ITGAL: variants seen among roughly 807,000 people sequenced by gnomAD.
The protein encoded by ITGAL is integrin alpha-L.
A neutral mutation model predicts 138.4 loss-of-function variants in ITGAL; 68 were observed. That is an observed-to-expected ratio of 0.49 (90% confidence interval 0.40 to 0.60). The LOEUF (loss-of-function observed/expected upper bound fraction) is 0.60, where lower values mean the gene tolerates loss of function less well. ITGAL is among the 20% of genes least tolerant of loss of function. ITGAL has a pLI of 0.00. For synonymous variants in ITGAL, 561 were observed against 584.3 expected, an observed-to-expected ratio of 0.96 and a Z score of 0.57; for missense variants, 1,256 against 1,478.6, an observed-to-expected ratio of 0.85 and a Z score of 2.47.
At position 30,519,917 on chromosome 16, in the gene ITGAL, G is replaced by A. The variant is rs151035888; in HGVS notation, c.3289G>A (p.Gly1097Ser). 1.3e-4 allele frequency: 202 copies of A among 1,613,904 alleles called. No homozygotes were observed. In the African/African-American group the frequency reaches 2.0e-3, roughly 16 times the overall value. Residue 1097 changes from glycine (G) to serine (S), a missense_variant, in exon 30 of 31, where the codon GGC (glycine) becomes AGC (serine). Gly to Ser is a moderately conservative substitution (Grantham distance 56, BLOSUM62 0). Around this residue, in one of 3 missense-constraint regions of ITGAL, gnomAD observed 867 missense variants for 972.5 expected, o/e 0.89. Transcript: ENST00000356798. ...KQMLYLYVLS[G>S]IGGLLLLLLI... The stretch of plus-strand genomic sequence containing the variant: ...GATGCTCTACCTCTACGTGCTGAGC[G>A]GCATCGGGGGGCTGCTGCTGCTGCT...
intron 11 of ITGAL, among the ~76,000 whole-genome samples, chr16:30,492,246 CTTTT>C (rs1178527208): frequency 4.2e-4 from 45 of 107,794 alleles, no homozygotes; most frequent in African/African-American, 1.5e-3. Context: ...GACATGATAT[CTTTT>C]TTTTCTTTTT....
chr16:30,484,100 C>T lies in ITGAL; in HGVS notation c.856-13C>T, dbSNP rs758351883. ...TGGGGGATTTCAGCTCTTCACTCTC[C>T]ACTCCCTCACAGATTGGAAAGCATT... On this transcript the variant is annotated splice_polypyrimidine_tract_variant and intron_variant, in intron 8 of 30. Transcript: ENST00000356798. The T allele has an allele frequency of 6.2e-7, 1 of 1,611,364 alleles. No homozygotes were observed. The highest frequency in any genetic ancestry group is 2.2e-5 in the East Asian group (1 of 44,804).
At chr16:30,488,598 G>A (rs1044248993) in intron 9 of ITGAL, among the ~76,000 whole-genome samples, 3 of 150,830 alleles carry the variant, frequency 2.0e-5, no homozygotes, top group African/African-American at 7.3e-5. Flanking sequence ...AGCTACTCGG[G>A]AGGCTGAGGC....
At chr16:30,517,972 C>A in intron 28 of ITGAL, 77 bp downstream of exon 28, 1 of 1,117,000 alleles carries the variant, frequency 9.0e-7, no homozygotes, top group Non-Finnish European at 1.4e-6. Context: ...GGGCTCCCAC[C>A]AGATAGTCTG....
At chr16:30,515,901 G>T (rs1385866468) in intron 25 of ITGAL, among the ~76,000 whole-genome samples, 3 of 151,976 alleles carry the variant, frequency 2.0e-5, no homozygotes, top group African/African-American at 7.3e-5. Flanking sequence ...GAACCTGGAA[G>T]GTGAAGGTTG....
intron 9 of ITGAL, among the ~76,000 whole-genome samples, chr16:30,485,376 G>A (rs757287827): frequency 6.7e-6 from 1 of 148,588 alleles, no homozygotes. Flanking sequence ...ACAGGCGCCA[G>A]CCACCACGCC....
chr16:30,479,739 C>T (rs756248514), intron 6 of ITGAL, among the ~76,000 whole-genome samples: 3 of 143,770 alleles, frequency 2.1e-5, no homozygotes, highest in Non-Finnish European at 4.5e-5. Flanking sequence ...CGACTCACTG[C>T]CTCCCAGGTT....
intron 13 of ITGAL, 154 bp downstream of exon 13, chr16:30,495,004 G>T: frequency 1.3e-6 from 1 of 746,892 alleles, no homozygotes; most frequent in African/African-American, 1.8e-5. Context: ...GGGAAAGACT[G>T]TATGCAGGGT....
Position 30,474,441 on chromosome 16 carries a change from T to C in ITGAL, c.164+143T>C. The C allele has an allele frequency of 1.1e-5, 7 of 623,976 alleles. No individual in the cohort carries two copies. In the South Asian group the frequency reaches 1.3e-4, roughly 12 times the overall value. 38.7% of individuals were successfully genotyped at this position (623,976 alleles called of 1,614,324 possible). ...GGTTCCCGTCTGGAGGAGCCTGTGG[T>C]GGGAATCCTCAGAGACAGGAGTGAG... is the stretch of plus-strand genomic sequence containing the variant. On this transcript the variant is annotated intron_variant, in intron 2 of 30. Transcript: ENST00000356798.
Position 30,496,485 on chromosome 16 carries a change from C to G in ITGAL, c.1751C>G (p.Ser584Cys). ...VLSGIQWFGR[S>C]IHGVKDLEGD... ...TCAGGAATTCAGTGGTTTGGACGCTCCATCCATGGGGTGAAGGACCTTGAA... is the reference window on the plus strand; with the variant it reads ...TCAGGAATTCAGTGGTTTGGACGCTGCATCCATGGGGTGAAGGACCTTGAA... The change falls in exon 15 of 31, where the codon TCC (serine) becomes TGC (cysteine). Residue 584 changes from serine (S) to cysteine (C), a missense_variant. By Grantham distance (112) the Ser-to-Cys change is moderately radical (BLOSUM62 -1). Coordinates refer to ENST00000356798, the MANE Select transcript of ITGAL (RefSeq NM_002209.3). 6.2e-7 allele frequency: 1 copy of G among 1,614,002 alleles called. No individual in the cohort carries two copies. Among genetic ancestry groups the G allele is most frequent in the South Asian group, 1.1e-5 (1 of 91,080 alleles).
intron 9 of ITGAL, among the ~76,000 whole-genome samples, chr16:30,486,408 CAAA>C (rs67561933): frequency 8.4e-6 from 1 of 118,832 alleles, no homozygotes. Context: ...AAAACTGTCT[CAAA>C]AAAAAAAAAA....
rs946104423 is a variant in ITGAL at position 30,499,408 on chromosome 16, C to G, written c.2064C>G (p.Phe688Leu). ...ACCGGACCAGAAGACGGGGGTTGTTCCCAGGAGGGAGACATGAACTCAGAA... is the reference window on the plus strand; with the variant it reads ...ACCGGACCAGAAGACGGGGGTTGTTGCCAGGAGGGAGACATGAACTCAGAA... Reference protein sequence around the residue: ...DGHRTRRRGLFPGGRHELRRN... With the variant: ...DGHRTRRRGLLPGGRHELRRN... Residue 688 changes from phenylalanine (F) to leucine (L), a missense_variant, in exon 17 of 31, where the codon TTC becomes TTG. Physicochemically the swap from Phe to Leu is conservative, Grantham distance 22. Coordinates refer to ENST00000356798, the MANE Select transcript of ITGAL (RefSeq NM_002209.3). The G allele has an allele frequency of 6.2e-7, 1 of 1,613,920 alleles. No individual in the cohort carries two copies. Among genetic ancestry groups the G allele is most frequent in the Non-Finnish European group, 8.5e-7 (1 of 1,180,030 alleles).
Position 30,475,180 on chromosome 16 carries a change from C to G in ITGAL, c.165-126C>G, listed in dbSNP as rs1455201995. The G allele has an allele frequency of 3.0e-5, 22 of 735,810 alleles. No individual in the cohort carries two copies. In the East Asian group the frequency reaches 5.6e-4, roughly 19 times the overall value. The allele number at this position is 735,810 out of a possible 1,614,324, so 45.6% of individuals were successfully genotyped here. ...AGCCACCCCACCTGGCCAGAGGCACCTTCTTGAAGGGGAATGGCTGCAGTG... is the reference window on the plus strand; with the variant it reads ...AGCCACCCCACCTGGCCAGAGGCACGTTCTTGAAGGGGAATGGCTGCAGTG... On this transcript the variant is annotated intron_variant, in intron 2 of 30. Coordinates refer to ENST00000356798, the MANE Select transcript of ITGAL (RefSeq NM_002209.3).
At chr16:30,486,588 A>T (rs1469278416) in intron 9 of ITGAL, among the ~76,000 whole-genome samples, 1 of 152,190 alleles carries the variant, frequency 6.6e-6, no homozygotes, top group East Asian at 1.9e-4. Context: ...CAATGTGAGA[A>T]AGGTGGAATG....
At chr16:30,474,804 C>A (rs541801448) in intron 2 of ITGAL, among the ~76,000 whole-genome samples, 2 of 149,890 alleles carry the variant, frequency 1.3e-5, no homozygotes, top group Non-Finnish European at 3.0e-5. Flanking sequence ...GGAATTATTT[C>A]TCTGCGATTC....
intron 24 of ITGAL, among the ~76,000 whole-genome samples, chr16:30,512,148 C>T (rs1188467138): frequency 6.6e-6 from 1 of 152,154 alleles, no homozygotes; most frequent in Non-Finnish European, 1.5e-5. Flanking sequence ...TACATGATAG[C>T]TGTTTTTGCA....
rs1486364935 is a variant in ITGAL, at chr16:30,499,715, A to ATATATATGTGTATATATATATATGTG, written c.2145+233_2145+234insGTGTATATATATATATGTGTATATAT. 2.9e-4 allele frequency among the ~76,000 whole-genome samples: 30 copies of ATATATATGTGTATATATATATATGTG among 103,286 alleles called. 1 individual carries two copies. Among genetic ancestry groups the ATATATATGTGTATATATATATATGTG allele is most frequent in the Non-Finnish European group, 3.6e-4 (21 of 57,572 alleles). 67.8% of individuals were successfully genotyped at this position (103,286 alleles called of 152,430 possible). The stretch of plus-strand genomic sequence containing the variant: ...TATATATGTGTATATATATATATGT[A>ATATATATGTGTATATATATATATGTG]TATATATATATATATATATTTTTTT... On this transcript the variant is annotated intron_variant, in intron 17 of 30. Coordinates refer to ENST00000356798, the MANE Select transcript of ITGAL (RefSeq NM_002209.3).
Position 30,505,478 on chromosome 16 carries a change from C to T in ITGAL, c.2366+16C>T, listed in dbSNP as rs370508772. 2.9e-5 allele frequency: 46 copies of T among 1,601,390 alleles called. No homozygotes were observed. The highest frequency in any genetic ancestry group is 3.8e-5 in the Non-Finnish European group (44 of 1,169,304). On this transcript the variant is annotated intron_variant, in intron 20 of 30. Transcript: ENST00000356798. Reference sequence around the variant, plus strand: ...CTCCTGCAAGGTCAGTAAGGCCTCCCACCCTCCAGCCTCCCATCCACTCTG... The same window carrying T: ...CTCCTGCAAGGTCAGTAAGGCCTCCTACCCTCCAGCCTCCCATCCACTCTG...
At chr16:30,508,299 C>G (rs993014387) in intron 21 of ITGAL, among the ~76,000 whole-genome samples, 5 of 150,762 alleles carry the variant, frequency 3.3e-5, no homozygotes, top group Non-Finnish European at 7.4e-5. Context: ...CTGCAACCTC[C>G]GCCTCCCAGG....
Sources: gnomAD v4.1 joint callset for allele counts (sites outside exome capture counted in the v4.1 genomes callset) on GRCh38, gnomAD v4.1.1 for gene constraint, gnomAD v4.1.1 regional missense constraint, MANE v1.5 for transcripts, NCBI Gene and HGNC (gene_info 2026-07-23, HGNC 2026-07-21) for gene names.